Variants in CLECL1 observed in about 807,000 individuals in gnomAD.
CLECL1 encodes the protein C-type lectin like 1, also known as C-type lectin-like domain family 1.
upstream of CLECL1, among the ~76,000 whole-genome samples, chr12:9,733,870 C>T (rs775403034): frequency 2.6e-5 from 4 of 152,242 alleles, no homozygotes; most frequent in East Asian, 5.8e-4. Flanking sequence ...CACAAAGGCT[C>T]AGGGTCCTAT....
downstream of CLECL1, chr12:9,722,486 A>T: frequency 7.5e-7 from 1 of 1,332,796 alleles, no homozygotes; most frequent in Non-Finnish European, 9.6e-7. Context: ...AAAACCTCAA[A>T]GGTAATCATG....
At chr12:9,729,572 A>G (rs1866420885) in intron 2 of CLECL1, among the ~76,000 whole-genome samples, 1 of 135,718 alleles carries the variant, frequency 7.4e-6, no homozygotes, top group African/African-American at 2.5e-5. Context: ...ATGAATAAAT[A>G]ATATTACTAA....
intron 2 of CLECL1, among the ~76,000 whole-genome samples, chr12:9,728,942 G>A (rs1411408568): frequency 3.5e-5 from 1 of 28,204 alleles, no homozygotes; most frequent in African/African-American, 1.0e-4. Context: ...CATAGACACT[G>A]CATTGACTTT....
At chr12:9,730,966 G>A (rs372952255) in intron 1 of CLECL1, among the ~76,000 whole-genome samples, 5 of 152,264 alleles carry the variant, frequency 3.3e-5, no homozygotes, top group East Asian at 1.9e-4. Context: ...GATTACAGGC[G>A]TCAGCCATTG....
At chr12:9,711,841 C>T (rs1866203164), downstream of CLECL1, among the ~76,000 whole-genome samples, 1 of 152,170 alleles carries the variant, frequency 6.6e-6, no homozygotes, top group South Asian at 2.1e-4. Context: ...CCCTGACTTC[C>T]AGCCTAAAGT....
chr12:9,719,248 T>A (rs1866278152), downstream of CLECL1, among the ~76,000 whole-genome samples: 1 of 152,116 alleles, frequency 6.6e-6, no homozygotes, highest in Non-Finnish European at 1.5e-5. Flanking sequence ...CAGCCTAGGC[T>A]GGGCGTGTTG....
chr12:9,704,901 A>G, the CLECL1 span, among the ~76,000 whole-genome samples: 1 of 152,136 alleles, frequency 6.6e-6, no homozygotes, highest in Non-Finnish European at 1.5e-5. Context: ...TTATAGAACA[A>G]TTTATATTGC....
At chr12:9,713,241 G>A (rs1454275736), downstream of CLECL1, among the ~76,000 whole-genome samples, 2 of 152,196 alleles carry the variant, frequency 1.3e-5, no homozygotes, top group South Asian at 2.1e-4. Context: ...CGGTTTCTAA[G>A]TTATGAGTTG....
At chr12:9,715,249 C>T (rs779133337), downstream of CLECL1, among the ~76,000 whole-genome samples, 12 of 152,158 alleles carry the variant, frequency 7.9e-5, no homozygotes, top group East Asian at 1.3e-3. Context: ...TCTAGAGAAC[C>T]GCATCTTAAC....
the CLECL1 span, among the ~76,000 whole-genome samples, chr12:9,708,347 A>C: frequency 6.6e-6 from 1 of 152,262 alleles, no homozygotes; most frequent in East Asian, 1.9e-4. Flanking sequence ...CTGATAGGGA[A>C]GTTAACGGTG....
At chr12:9,733,438 G>T, upstream of CLECL1, 1 of 550,230 alleles carries the variant, frequency 1.8e-6, no homozygotes, top group Non-Finnish European at 3.2e-6. Context: ...CTCCAAAGTA[G>T]GATAGCTATT....
intron 2 of CLECL1, among the ~76,000 whole-genome samples, chr12:9,729,407 G>A (rs1009976090): frequency 6.6e-6 from 1 of 152,006 alleles, no homozygotes. Context: ...AATTTATAAT[G>A]TATATTTTAT....
At chr12:9,706,978 T>C in the CLECL1 span, among the ~76,000 whole-genome samples, 1 of 152,188 alleles carries the variant, frequency 6.6e-6, no homozygotes, top group African/African-American at 2.4e-5. Flanking sequence ...ATCCATCTGG[T>C]CCTGGGCTTT....
chr12:9,722,534 A>G, downstream of CLECL1: 1 of 1,489,392 alleles, frequency 6.7e-7, no homozygotes, highest in East Asian at 2.3e-5. Context: ...TTGTATAGTT[A>G]ATAACACATG....
upstream of CLECL1, chr12:9,733,247 G>A (rs1866476405): frequency 6.2e-7 from 1 of 1,608,220 alleles, no homozygotes; most frequent in Admixed American, 1.7e-5. Flanking sequence ...GTATGACATG[G>A]AAGAAATTAC....
At chr12:9,722,809 A>G in exon 4 of CLECL1, 1 of 1,602,196 alleles carries the variant, frequency 6.2e-7, no homozygotes, top group Non-Finnish European at 8.5e-7. Context: ...AAAAGTTGAA[A>G]GAAACTGGAA....
intron 1 of CLECL1, among the ~76,000 whole-genome samples, chr12:9,731,426 C>A (rs1436260892): frequency 6.6e-6 from 1 of 152,072 alleles, no homozygotes; most frequent in African/African-American, 2.4e-5. Context: ...AGGAATATGA[C>A]AACCTTTAGG....
At chr12:9,733,523 C>T (rs955437144), upstream of CLECL1, among the ~76,000 whole-genome samples, 2 of 152,132 alleles carry the variant, frequency 1.3e-5, no homozygotes, top group African/African-American at 2.4e-5. Context: ...TTTTATCCTC[C>T]TCTCTAAATG....
At chr12:9,731,377 G>A (rs1042249395) in intron 1 of CLECL1, among the ~76,000 whole-genome samples, 2 of 152,212 alleles carry the variant, frequency 1.3e-5, no homozygotes, top group African/African-American at 2.4e-5. Flanking sequence ...AATAGATTAT[G>A]TAGAAAGATT....
Sources: gnomAD v4.1 joint callset for allele counts (sites outside exome capture counted in the v4.1 genomes callset) on GRCh38, gnomAD v4.1.1 for gene constraint, MANE v1.5 for transcripts, NCBI Gene and HGNC (gene_info 2026-07-23, HGNC 2026-07-21) for gene names.